Variants in CNTNAP2 observed in about 807,000 individuals in gnomAD.
The protein encoded by CNTNAP2 is contactin associated protein 2, also known as contactin-associated protein-like 2.
CNTNAP2 carries 98 observed loss-of-function variants against 155.2 expected under a neutral mutation model. The observed-to-expected ratio is 0.63, with a 90% CI of 0.54 to 0.75. CNTNAP2 has a LOEUF of 0.75. Ranked by LOEUF, CNTNAP2 falls within the 30% of genes least tolerant of loss-of-function variation. The probability of loss-of-function intolerance (pLI) is 0.00; values close to 1 mark genes in which losing one functional copy is unlikely to be tolerated. For missense variants in CNTNAP2, 1,727 were observed against 1,688.1 expected (o/e 1.02, Z -0.40); for synonymous variants, 651 against 631.2 (o/e 1.03, Z -0.47).
intron 1 of CNTNAP2, among the ~76,000 whole-genome samples, chr7:146,336,787 A>G (rs925529240): frequency 1.3e-5 from 2 of 152,194 alleles, no homozygotes; most frequent in Non-Finnish European, 2.9e-5. Context: ...AAGAACAACA[A>G]AAGTGTTGTT....
At chr7:147,702,891 G>A (rs913963397) in intron 13 of CNTNAP2, among the ~76,000 whole-genome samples, 2 of 152,080 alleles carry the variant, frequency 1.3e-5, no homozygotes, top group Non-Finnish European at 2.9e-5. Flanking sequence ...TTGCAAATTA[G>A]GTAGTTAGTC....
intron 3 of CNTNAP2, among the ~76,000 whole-genome samples, chr7:146,875,095 T>C (rs1373061683): frequency 6.6e-6 from 1 of 152,158 alleles, no homozygotes; most frequent in Non-Finnish European, 1.5e-5. Context: ...TAAGAATATA[T>C]TGACATGAAA....
At chr7:147,619,046 C>G (rs548088704) in intron 12 of CNTNAP2, among the ~76,000 whole-genome samples, 111 of 152,184 alleles carry the variant, frequency 7.3e-4, no homozygotes, top group African/African-American at 2.3e-3. Context: ...TCAAATATAC[C>G]ATTAAATCAG....
At chr7:147,754,548 G>A (rs77705097) in intron 13 of CNTNAP2, among the ~76,000 whole-genome samples, 2,753 of 152,250 alleles carry the variant, frequency 0.018, 75 homozygotes, top group African/African-American at 0.059. Flanking sequence ...AATGCAATGA[G>A]GGAAACATTT....
chr7:146,796,139 C>A (rs1015163333), intron 2 of CNTNAP2, among the ~76,000 whole-genome samples: 2 of 152,004 alleles, frequency 1.3e-5, no homozygotes, highest in Non-Finnish European at 2.9e-5. Flanking sequence ...CAGAAAGAAA[C>A]AGAAAGGCAT....
intron 4 of CNTNAP2, among the ~76,000 whole-genome samples, chr7:147,088,857 T>C (rs184029325): frequency 4.2e-4 from 64 of 152,194 alleles, no homozygotes; most frequent in African/African-American, 1.4e-3. Flanking sequence ...GGCAGGAAGA[T>C]TGCTTGAGCC....
intron 1 of CNTNAP2, among the ~76,000 whole-genome samples, chr7:146,346,838 A>G (rs36093044): frequency 6.6e-6 from 1 of 152,198 alleles, no homozygotes; most frequent in African/African-American, 2.4e-5. Context: ...GCTGCCAAAA[A>G]TGGATGGGGG....
intron 3 of CNTNAP2, among the ~76,000 whole-genome samples, chr7:146,999,243 CA>C (rs3081713): frequency 0.078 from 10,300 of 131,432 alleles, 477 homozygotes; most frequent in African/African-American, 0.15. Context: ...AGTTTGATTG[CA>C]AAAAAAAAAA....
intron 13 of CNTNAP2, among the ~76,000 whole-genome samples, chr7:147,807,332 A>AAAAAAAAAAAAACGAAAAC (rs1798107884): frequency 6.6e-6 from 1 of 150,602 alleles, no homozygotes; most frequent in East Asian, 1.9e-4. Flanking sequence ...CAAAAAAAAA[A>AAAAAAAAAAAAACGAAAAC]AAAAAAAAAA....
At chr7:147,972,901 G>A (rs62471119) in intron 14 of CNTNAP2, among the ~76,000 whole-genome samples, 17,902 of 151,992 alleles carry the variant, frequency 0.12, 1,560 homozygotes, top group African/African-American at 0.25. Flanking sequence ...AAACCAAATT[G>A]GTTGTGGAGG....
At chr7:147,539,061 G>T (rs1799596894) in intron 11 of CNTNAP2, among the ~76,000 whole-genome samples, 1 of 152,096 alleles carries the variant, frequency 6.6e-6, no homozygotes, top group South Asian at 2.1e-4. Flanking sequence ...TCTGATTTTA[G>T]AATGTTCATA....
chr7:148,148,870 A>G (rs890207798), intron 17 of CNTNAP2, among the ~76,000 whole-genome samples: 1 of 152,284 alleles, frequency 6.6e-6, no homozygotes, highest in African/African-American at 2.4e-5. Context: ...AAAGAGTTAT[A>G]GATTTAGAAA....
chr7:148,414,420 AT>A (rs67943797), intron 23 of CNTNAP2, among the ~76,000 whole-genome samples: 85,138 of 151,296 alleles, frequency 0.56, 24,457 homozygotes, highest in South Asian at 0.65. Context: ...ACGTTGTCTC[AT>A]TTTTTTTCCC....
intron 21 of CNTNAP2, among the ~76,000 whole-genome samples, chr7:148,330,550 C>T (rs1477469007): frequency 2.1e-4 from 21 of 102,406 alleles, no homozygotes; most frequent in East Asian, 3.3e-4. Context: ...ATGGAGTGCA[C>T]GGATGGATAG....
intron 1 of CNTNAP2, among the ~76,000 whole-genome samples, chr7:146,545,285 C>T (rs1409547539): frequency 3.3e-5 from 5 of 151,670 alleles, no homozygotes; most frequent in South Asian, 2.1e-4. Flanking sequence ...TATCAGCTAC[C>T]GTGAACTGTT....
rs185919860 is a variant in CNTNAP2 at position 146,644,671 on chromosome 7, T to C, written c.98-129600T>C. ...GATATCACCACCGATCCCACAGAAATACAAACTACCATCAGAGAATACTAC... is the reference window on the plus strand; with the variant it reads ...GATATCACCACCGATCCCACAGAAACACAAACTACCATCAGAGAATACTAC... On this transcript the variant is annotated intron_variant, in intron 1 of 23. Coordinates refer to ENST00000361727, the MANE Select transcript of CNTNAP2 (RefSeq NM_014141.6). Among the ~76,000 whole-genome samples, 403 of 152,158 alleles carry C rather than the reference T, an allele frequency of 2.6e-3. 1 individual carries two copies. Among genetic ancestry groups the C allele is most frequent in the Middle Eastern group, 0.014 (4 of 290 alleles).
At chr7:146,796,481 C>T (rs1357312242) in intron 2 of CNTNAP2, among the ~76,000 whole-genome samples, 1 of 152,016 alleles carries the variant, frequency 6.6e-6, no homozygotes, top group African/African-American at 2.4e-5. Flanking sequence ...TCAGCTTCTC[C>T]TGGGGTACTT....
At chr7:148,261,403 G>A (rs1447293740) in intron 20 of CNTNAP2, among the ~76,000 whole-genome samples, 3 of 152,248 alleles carry the variant, frequency 2.0e-5, no homozygotes, top group East Asian at 1.9e-4. Flanking sequence ...CAGGTGATCC[G>A]CCCACTTTGC....
In CNTNAP2 at chr7:147,503,498, C is replaced by T. The variant is rs562959903; in HGVS notation, c.1777+17457C>T. ...TTGCCACACCTGCTCCTGTCCAGCA[C>T]GGAGCTCCCTGTGTCCCCTGTGCTT... is the stretch of plus-strand genomic sequence containing the variant. On this transcript the variant is annotated intron_variant, in intron 11 of 23. Coordinates refer to ENST00000361727, the MANE Select transcript of CNTNAP2 (RefSeq NM_014141.6). Among the ~76,000 whole-genome samples, 20 of 152,234 alleles carry T rather than the reference C, an allele frequency of 1.3e-4. No individual in the cohort carries two copies. The East Asian group carries it at 2.9e-3, about 22-fold the overall frequency.
Sources: gnomAD v4.1 joint callset for allele counts (sites outside exome capture counted in the v4.1 genomes callset) on GRCh38, gnomAD v4.1.1 for gene constraint, MANE v1.5 for transcripts, NCBI Gene and HGNC (gene_info 2026-07-23, HGNC 2026-07-21) for gene names.